The following GLRA3 variants were observed in gnomAD, a reference collection of about 807,000 sequenced individuals.
The protein encoded by GLRA3 is glycine receptor subunit alpha-3.
GLRA3 carries 44 observed loss-of-function variants against 60.4 expected under a neutral mutation model. That is an observed-to-expected ratio of 0.73 (90% CI 0.57 to 0.94). The LOEUF is 0.94. GLRA3 is among the 40% of genes least tolerant of loss of function. The pLI is 0.00. For synonymous variants in GLRA3, 223 were observed against 192.9 expected (o/e 1.16, Z -1.29); for missense variants, 508 against 564.6 (o/e 0.90, Z 1.02).
intron 1 of GLRA3, among the ~76,000 whole-genome samples, chr4:174,824,510 T>C (rs148802245): frequency 8.5e-5 from 13 of 152,334 alleles, no homozygotes; most frequent in Non-Finnish European, 1.8e-4. Flanking sequence ...AGCAATGCTG[T>C]GACTCCTCCA....
intron 2 of GLRA3, among the ~76,000 whole-genome samples, chr4:174,777,221 T>G (rs1265026082): frequency 6.6e-6 from 1 of 152,210 alleles, no homozygotes; most frequent in Non-Finnish European, 1.5e-5. Flanking sequence ...GACTTCTTTA[T>G]GATATTAAAT....
intron 1 of GLRA3, among the ~76,000 whole-genome samples, chr4:174,803,111 T>C (rs1739891814): frequency 1.3e-5 from 2 of 152,130 alleles, no homozygotes; most frequent in Admixed American, 1.3e-4. Context: ...ATCTAATCTT[T>C]ATACAATTTA....
chr4:174,709,967 CTT>C (rs5864286), intron 5 of GLRA3, among the ~76,000 whole-genome samples: 69 of 141,952 alleles, frequency 4.9e-4, no homozygotes, highest in Admixed American at 7.1e-4. Context: ...TGTTGATTTT[CTT>C]TTTTTTTTTT....
intron 3 of GLRA3, among the ~76,000 whole-genome samples, chr4:174,764,484 T>C (rs1398717666): frequency 1.3e-5 from 2 of 151,976 alleles, no homozygotes; most frequent in African/African-American, 4.8e-5. Flanking sequence ...TCAATTTTAA[T>C]TGACTGCCTT....
intron 7 of GLRA3, among the ~76,000 whole-genome samples, chr4:174,664,138 G>C (rs370860790): frequency 6.6e-6 from 1 of 152,060 alleles, no homozygotes; most frequent in Non-Finnish European, 1.5e-5. Context: ...CCACCCCATC[G>C]GCTTTGTGGA....
chr4:174,713,575 C>CT (rs1735801214), intron 5 of GLRA3: 1 of 152,174 alleles, frequency 6.6e-6, no homozygotes, highest in Admixed American at 6.5e-5. Flanking sequence ...ATAACAATTG[C>CT]TTTTTTCAAG....
At chr4:174,712,991 T>C (rs62332024) in intron 5 of GLRA3, among the ~76,000 whole-genome samples, 2,233 of 104,336 alleles carry the variant, frequency 0.021, 26 homozygotes, top group South Asian at 0.04. Flanking sequence ...GTATATTACA[T>C]GTGAGTGTGT....
chr4:174,803,605 A>G (rs1044541848), intron 1 of GLRA3, among the ~76,000 whole-genome samples: 11 of 152,346 alleles, frequency 7.2e-5, no homozygotes, highest in African/African-American at 2.6e-4. Flanking sequence ...TAGTAAAACA[A>G]ATGATGTGAC....
At chr4:174,754,042 T>C (rs1305867416) in intron 3 of GLRA3, among the ~76,000 whole-genome samples, 1 of 152,158 alleles carries the variant, frequency 6.6e-6, no homozygotes, top group African/African-American at 2.4e-5. Flanking sequence ...CCTTTTAACA[T>C]TGTTTTAACA....
intron 3 of GLRA3, among the ~76,000 whole-genome samples, chr4:174,731,588 G>T (rs892853509): frequency 1.1e-4 from 16 of 152,158 alleles, no homozygotes; most frequent in Non-Finnish European, 2.2e-4. Context: ...AGAGTATGTG[G>T]CCTTGAGGTA....
chr4:174,785,181 T>A (rs1321848300), intron 2 of GLRA3, among the ~76,000 whole-genome samples: 1 of 152,050 alleles, frequency 6.6e-6, no homozygotes, highest in African/African-American at 2.4e-5. Flanking sequence ...TAAAGAGAAA[T>A]GACAAAACAA....
At chr4:174,739,066 T>C (rs2111164444) in intron 3 of GLRA3, among the ~76,000 whole-genome samples, 1 of 152,360 alleles carries the variant, frequency 6.6e-6, no homozygotes, top group East Asian at 1.9e-4. Flanking sequence ...TGTAATGAAA[T>C]GTTTGTTTTG....
At chr4:174,825,813 GA>G (rs1355373185) in intron 1 of GLRA3, among the ~76,000 whole-genome samples, 5 of 151,764 alleles carry the variant, frequency 3.3e-5, no homozygotes, top group African/African-American at 1.2e-4. Flanking sequence ...CTAAAGTATA[GA>G]TGATACTTTA....
At chr4:174,679,498 C>A (rs770792774) in intron 6 of GLRA3, among the ~76,000 whole-genome samples, 8 of 151,938 alleles carry the variant, frequency 5.3e-5, no homozygotes, top group Non-Finnish European at 7.4e-5. Flanking sequence ...TATAGGAGTT[C>A]CTTTAAAAAG....
chr4:174,708,601 CT>C (rs200207515), intron 5 of GLRA3, among the ~76,000 whole-genome samples: 24,879 of 132,800 alleles, frequency 0.19, 1,958 homozygotes, highest in South Asian at 0.21. Context: ...AACTTTTACT[CT>C]TTTTTTTTTT....
intron 1 of GLRA3, among the ~76,000 whole-genome samples, chr4:174,792,490 T>C (rs1327032772): frequency 2.0e-5 from 3 of 152,188 alleles, no homozygotes; most frequent in African/African-American, 7.2e-5. Context: ...CTGGAGGTAC[T>C]GGCAGGTAGG....
intron 3 of GLRA3, among the ~76,000 whole-genome samples, chr4:174,741,911 A>G (rs1346456897): frequency 6.6e-6 from 1 of 152,186 alleles, no homozygotes; most frequent in Non-Finnish European, 1.5e-5. Context: ...GTGAGGCAAG[A>G]GGTTATTTGT....
chr4:174,824,042 C>A lies in GLRA3; in HGVS notation c.71+4699G>T, dbSNP rs77685309. ...CACCACAGTATACTCACCTTTATAACCTTTTGTAAATCTGTTGTCTGGCAA... is the reference window on the plus strand; with the variant it reads ...CACCACAGTATACTCACCTTTATAAACTTTTGTAAATCTGTTGTCTGGCAA... On this transcript the variant is annotated intron_variant, in intron 1 of 9. Transcript: ENST00000274093. Among the ~76,000 whole-genome samples the A allele has an allele frequency of 9.1e-4, 138 of 152,224 alleles. 2 individuals are homozygous for A. In the East Asian group the frequency reaches 0.025, roughly 28 times the overall value.
chr4:174,811,674 G>A (rs1740282344), intron 1 of GLRA3, among the ~76,000 whole-genome samples: 1 of 152,164 alleles, frequency 6.6e-6, no homozygotes, highest in East Asian at 1.9e-4. Flanking sequence ...CAGCAATCAT[G>A]TCATATGACA....
Sources: gnomAD v4.1 joint callset for allele counts (sites outside exome capture counted in the v4.1 genomes callset) on GRCh38, gnomAD v4.1.1 for gene constraint, MANE v1.5 for transcripts, NCBI Gene and HGNC (gene_info 2026-07-23, HGNC 2026-07-21) for gene names.